ABCB1: variants seen among roughly 807,000 people sequenced by gnomAD.
The protein encoded by ABCB1 is ATP-dependent translocase ABCB1.
A neutral mutation model predicts 142.0 loss-of-function variants in ABCB1; 69 were observed. That is an observed-to-expected ratio of 0.49 (90% CI 0.40 to 0.59). ABCB1 has a LOEUF of 0.59. Ranked by LOEUF, ABCB1 falls within the 20% of genes least tolerant of loss-of-function variation. The pLI is 0.00. For missense variants in ABCB1, 1,326 were observed against 1,554.7 expected (o/e 0.85, Z 2.47); for synonymous variants, 532 against 539.2 (o/e 0.99, Z 0.18).
At chr7:87,580,841 GAT>G (rs1818475681) in intron 4 of ABCB1, among the ~76,000 whole-genome samples, 2 of 151,896 alleles carry the variant, frequency 1.3e-5, no homozygotes, top group African/African-American at 4.8e-5. Flanking sequence ...AAGAGACTGT[GAT>G]TCATTCTTCA....
chr7:87,517,832 GT>G (rs4148746), intron 23 of ABCB1, among the ~76,000 whole-genome samples: 20,293 of 152,152 alleles, frequency 0.13, 1,446 homozygotes, highest in African/African-American at 0.18. Context: ...AGCTCTCCAT[GT>G]TCGTGCCTGG....
intron 6 of ABCB1, among the ~76,000 whole-genome samples, chr7:87,566,567 G>A (rs911971105): frequency 5.9e-5 from 9 of 152,190 alleles, no homozygotes; most frequent in Non-Finnish European, 1.0e-4. Flanking sequence ...GCAAAGCCCA[G>A]TCCTTCATTT....
chr7:87,643,969 C>T (rs188196893), intron 1 of ABCB1, among the ~76,000 whole-genome samples: 83 of 152,314 alleles, frequency 5.4e-4, no homozygotes, highest in African/African-American at 1.9e-3. Context: ...AGTGATTCGC[C>T]TGCCTCAGCC....
chr7:87,624,039 T>C (rs1364039455), intron 1 of ABCB1, among the ~76,000 whole-genome samples: 3 of 152,260 alleles, frequency 2.0e-5, no homozygotes, highest in African/African-American at 7.2e-5. Flanking sequence ...GAGTATTTTA[T>C]AGAGGAAATT....
intron 1 of ABCB1, among the ~76,000 whole-genome samples, chr7:87,648,116 C>A (rs1370233821): frequency 6.9e-6 from 1 of 145,156 alleles, no homozygotes; most frequent in Non-Finnish European, 1.5e-5. Context: ...ACCGGGGTGG[C>A]ATAGCTTACA....
intron 1 of ABCB1, among the ~76,000 whole-genome samples, chr7:87,631,578 A>G (rs1230461792): frequency 6.6e-6 from 1 of 152,122 alleles, no homozygotes; most frequent in African/African-American, 2.4e-5. Context: ...TTTGTTTAGT[A>G]GAGACGGGGT....
rs1294811319 is a variant in ABCB1, at chr7:87,626,516, ATG to A, written c.-330-25440_-330-25439del. ...TATGTGTCATATATGTGTCATATATATGTGTCATATATATGTGTCATATATGT... is the reference window on the plus strand; with the variant it reads ...TATGTGTCATATATGTGTCATATATATGTCATATATATGTGTCATATATGT... On this transcript the variant is annotated intron_variant, in intron 1 of 28. Transcript: ENST00000265724. 2.8e-4 allele frequency among the ~76,000 whole-genome samples: 4 copies of A among 14,134 alleles called. 1 individual carries two copies. Among genetic ancestry groups the A allele is most frequent in the Non-Finnish European group, 4.0e-4 (4 of 10,012 alleles). 9.3% of individuals were successfully genotyped at this position (14,134 alleles called of 152,430 possible).
chr7:87,583,435 T>A (rs1013025083), intron 4 of ABCB1, among the ~76,000 whole-genome samples: 3 of 152,224 alleles, frequency 2.0e-5, no homozygotes, highest in African/African-American at 7.2e-5. Context: ...AATATTTCTC[T>A]AAGCTTTCTC....
intron 1 of ABCB1, 92 bp from the exon 2 acceptor site, chr7:87,600,282 A>G: frequency 2.7e-6 from 3 of 1,093,014 alleles, no homozygotes; most frequent in East Asian, 2.6e-5. Flanking sequence ...GAAGCCAGAG[A>G]GCAGTAAGAG....
intron 3 of ABCB1, among the ~76,000 whole-genome samples, chr7:87,593,317 T>C (rs938585007): frequency 6.6e-6 from 1 of 152,234 alleles, no homozygotes; most frequent in African/African-American, 2.4e-5. Flanking sequence ...TAGATTTTAT[T>C]CTACTTTTGT....
chr7:87,626,802 G>A (rs1188453604), intron 1 of ABCB1, among the ~76,000 whole-genome samples: 2 of 151,254 alleles, frequency 1.3e-5, no homozygotes, highest in Admixed American at 1.3e-4. Flanking sequence ...GAGAGATGGA[G>A]TCTCACTCTG....
chr7:87,603,779 C>A (rs1164763719), upstream of ABCB1, among the ~76,000 whole-genome samples: 1 of 152,176 alleles, frequency 6.6e-6, no homozygotes, highest in Non-Finnish European at 1.5e-5. Context: ...AGATAAGGAC[C>A]ATCTCTGCTG....
chr7:87,652,826 T>C (rs968510987), intron 1 of ABCB1, among the ~76,000 whole-genome samples: 2 of 151,940 alleles, frequency 1.3e-5, no homozygotes, highest in Non-Finnish European at 2.9e-5. Context: ...TTTAGTTACA[T>C]AGCAACTAAT....
upstream of ABCB1, chr7:87,603,211 AACT>A (rs1235607351): frequency 6.6e-6 from 1 of 152,226 alleles, no homozygotes; most frequent in Non-Finnish European, 1.5e-5. Context: ...ATTTATCAGG[AACT>A]GCCAAGCACT....
At chr7:87,568,531 A>G (rs1028068508) in intron 5 of ABCB1, among the ~76,000 whole-genome samples, 3 of 152,172 alleles carry the variant, frequency 2.0e-5, no homozygotes, top group Admixed American at 6.5e-5. Context: ...AAACTTCACT[A>G]CTTACCATCT....
At chr7:87,517,251 T>C (rs772795335) in intron 23 of ABCB1, among the ~76,000 whole-genome samples, 2 of 152,194 alleles carry the variant, frequency 1.3e-5, no homozygotes, top group African/African-American at 2.4e-5. Flanking sequence ...GCTGGCCTTG[T>C]GACTTGCTTT....
intron 4 of ABCB1, among the ~76,000 whole-genome samples, chr7:87,577,224 T>A (rs962008645): frequency 6.6e-6 from 1 of 152,172 alleles, no homozygotes; most frequent in African/African-American, 2.4e-5. Context: ...CAGTTCCATT[T>A]TTGTTGTTGC....
chr7:87,603,062 T>G (rs555280420), upstream of ABCB1: 2 of 152,254 alleles, frequency 1.3e-5, no homozygotes, highest in South Asian at 4.1e-4. Flanking sequence ...TCCGCTCTCA[T>G]GTAGCCATTT....
At chr7:87,615,129 G>A (rs1159515539) in intron 1 of ABCB1, among the ~76,000 whole-genome samples, 5 of 152,176 alleles carry the variant, frequency 3.3e-5, no homozygotes, top group Non-Finnish European at 4.4e-5. Flanking sequence ...GAGCCCCTGC[G>A]CCCAGCCTTG....
Sources: gnomAD v4.1 joint callset for allele counts (sites outside exome capture counted in the v4.1 genomes callset) on GRCh38, gnomAD v4.1.1 for gene constraint, MANE v1.5 for transcripts, NCBI Gene and HGNC (gene_info 2026-07-23, HGNC 2026-07-21) for gene names.